Variants in SLC4A7 observed in about 807,000 individuals in gnomAD.
SLC4A7 encodes the protein solute carrier family 4 member 7, also known as sodium bicarbonate cotransporter 3.
Under a neutral mutation model 137.6 loss-of-function variants are expected in SLC4A7, and 51 were observed. That is an observed-to-expected ratio of 0.37 (90% CI 0.30 to 0.47). SLC4A7 has a LOEUF of 0.47. Among genes scored for constraint, SLC4A7 ranks in the 20% least tolerant of loss-of-function variants. The pLI is 1.00. For missense variants in SLC4A7, 1,247 were observed against 1,525.4 expected (o/e 0.82, Z 3.04); for synonymous variants, 542 against 518.6 (o/e 1.05, Z -0.61).
At chr3:27,402,373 T>C (rs186222805) in intron 15 of SLC4A7, among the ~76,000 whole-genome samples, 138 of 152,048 alleles carry the variant, frequency 9.1e-4, no homozygotes, top group Middle Eastern at 3.4e-3. Flanking sequence ...CGAAAACACA[T>C]ATTGAATGTA....
At chr3:27,433,816 A>T in intron 6 of SLC4A7, 100 bp downstream of exon 6, 2 of 964,402 alleles carry the variant, frequency 2.1e-6, no homozygotes, top group Non-Finnish European at 3.3e-6. Flanking sequence ...AGAGGTAGGT[A>T]TAGTGAGTGT....
chr3:27,466,021 T>G (rs183767057), intron 1 of SLC4A7, among the ~76,000 whole-genome samples: 1 of 151,248 alleles, frequency 6.6e-6, no homozygotes, highest in African/African-American at 2.4e-5. Context: ...AGAAAGCATA[T>G]GTAGTATCCA....
intron 13 of SLC4A7, among the ~76,000 whole-genome samples, chr3:27,406,092 T>C (rs564867353): frequency 2.4e-4 from 37 of 152,294 alleles, no homozygotes; most frequent in African/African-American, 8.4e-4. Context: ...ACAATCCTGC[T>C]GAAATGAGAG....
intron 10 of SLC4A7, among the ~76,000 whole-genome samples, chr3:27,419,955 G>A (rs1046944968): frequency 6.6e-6 from 1 of 151,912 alleles, no homozygotes. Flanking sequence ...TTGGGAGGCC[G>A]AGGCGGGCAG....
At chr3:27,466,096 T>C (rs1005224539) in intron 1 of SLC4A7, among the ~76,000 whole-genome samples, 18 of 151,980 alleles carry the variant, frequency 1.2e-4, no homozygotes, top group African/African-American at 4.1e-4. Context: ...GGAATGTAAC[T>C]AGATGTAAAT....
At chr3:27,420,060 G>A (rs148407147) in intron 10 of SLC4A7, among the ~76,000 whole-genome samples, 11 of 151,986 alleles carry the variant, frequency 7.2e-5, no homozygotes, top group African/African-American at 2.7e-4. Context: ...ATGGTGGGGT[G>A]CACCTGTAGT....
chr3:27,461,090 G>A (rs574820996), intron 1 of SLC4A7, among the ~76,000 whole-genome samples: 13 of 152,174 alleles, frequency 8.5e-5, no homozygotes, highest in African/African-American at 2.9e-4. Flanking sequence ...ACTGTCTATA[G>A]GAAAATCCAT....
At chr3:27,446,290 TC>T (rs2057629608) in intron 3 of SLC4A7, among the ~76,000 whole-genome samples, 2 of 152,028 alleles carry the variant, frequency 1.3e-5, no homozygotes, top group African/African-American at 4.8e-5. Context: ...CGTTATTCCA[TC>T]CTGTTTAGAA....
chr3:27,471,453 G>A (rs74279676), intron 1 of SLC4A7, among the ~76,000 whole-genome samples: 28,416 of 152,100 alleles, frequency 0.19, 3,009 homozygotes, highest in Non-Finnish European at 0.25. Context: ...TGCTCAGGCT[G>A]GAGTGCAATG....
At chr3:27,479,958 G>C (rs1276939455) in intron 1 of SLC4A7, among the ~76,000 whole-genome samples, 2 of 152,178 alleles carry the variant, frequency 1.3e-5, no homozygotes, top group Non-Finnish European at 2.9e-5. Flanking sequence ...ATAAGAAGGA[G>C]GGGGAGGAAA....
intron 1 of SLC4A7, among the ~76,000 whole-genome samples, chr3:27,461,868 G>A (rs2058719291): frequency 6.6e-6 from 1 of 151,788 alleles, no homozygotes; most frequent in Non-Finnish European, 1.5e-5. Flanking sequence ...AGGCTGAAGT[G>A]GGAGGATCAC....
intron 10 of SLC4A7, among the ~76,000 whole-genome samples, chr3:27,420,457 T>C (rs2054852472): frequency 6.6e-6 from 1 of 151,994 alleles, no homozygotes; most frequent in African/African-American, 2.4e-5. Context: ...TTCAAGAAGG[T>C]AGTCAATAAT....
intron 10 of SLC4A7, among the ~76,000 whole-genome samples, chr3:27,419,208 A>G (rs2054687920): frequency 6.6e-6 from 1 of 152,046 alleles, no homozygotes; most frequent in East Asian, 2.0e-4. Flanking sequence ...CGCTCTGATA[A>G]AAAGAAAGTA....
intron 3 of SLC4A7, among the ~76,000 whole-genome samples, chr3:27,444,522 T>C (rs895633475): frequency 6.6e-6 from 1 of 152,210 alleles, no homozygotes; most frequent in Non-Finnish European, 1.5e-5. Context: ...GTGTTTCATT[T>C]TGGATAGTTA....
intron 1 of SLC4A7, among the ~76,000 whole-genome samples, chr3:27,459,404 T>A (rs2058575667): frequency 6.9e-6 from 1 of 145,420 alleles, no homozygotes. Flanking sequence ...TAATACATTA[T>A]TTGATAAAAT....
chr3:27,374,853 A>G lies in SLC4A7; in HGVS notation c.*1911T>C, dbSNP rs1175215949. 2 of 152,470 alleles carry G rather than the reference A, an allele frequency of 1.3e-5. No individual in the cohort carries two copies. Among genetic ancestry groups the G allele is most frequent in the African/African-American group, 2.4e-5 (1 of 41,418 alleles). 9.4% of individuals were successfully genotyped at this position (152,470 alleles called of 1,614,324 possible). A position where few individuals can be genotyped will look rare whatever the true frequency, so the allele number is the denominator to read the frequency against. On this transcript the variant is annotated 3_prime_UTR_variant, in exon 26 of 26. Coordinates refer to ENST00000454389, the MANE Select transcript of SLC4A7 (RefSeq NM_001321103.2). ...ACATCAGGGGAGTTTTAAAAATAGC[A>G]GCAAATACTGGGGTCTTTGGAAATA...
chr3:27,378,335 A>T (rs1318158567), intron 25 of SLC4A7, among the ~76,000 whole-genome samples: 1 of 152,214 alleles, frequency 6.6e-6, no homozygotes, highest in Non-Finnish European at 1.5e-5. Context: ...CTGAAGGCCT[A>T]GAAAAGTTTT....
chr3:27,457,243 A>G (rs1461509935), intron 1 of SLC4A7, among the ~76,000 whole-genome samples: 5 of 152,318 alleles, frequency 3.3e-5, no homozygotes, highest in African/African-American at 9.6e-5. Context: ...ATTCAGAATT[A>G]TTTACACAAT....
At chr3:27,388,926 GCTCT>G (rs752800346) in intron 22 of SLC4A7, among the ~76,000 whole-genome samples, 21,449 of 150,562 alleles carry the variant, frequency 0.14, 2,065 homozygotes, top group Non-Finnish European at 0.22. Flanking sequence ...ATTGACCTCT[GCTCT>G]AGATATTCAA....
Sources: gnomAD v4.1 joint callset for allele counts (sites outside exome capture counted in the v4.1 genomes callset) on GRCh38, gnomAD v4.1.1 for gene constraint, MANE v1.5 for transcripts, NCBI Gene and HGNC (gene_info 2026-07-23, HGNC 2026-07-21) for gene names.